Variants in CHRM3 observed in about 807,000 individuals in gnomAD.
CHRM3 encodes cholinergic receptor muscarinic 3, also known as muscarinic acetylcholine receptor M3.
CHRM3 carries 11 observed loss-of-function variants against 41.8 expected under a neutral mutation model. That is an observed-to-expected ratio of 0.26 (90% CI 0.17 to 0.44). The LOEUF is 0.44. CHRM3 is among the 20% of genes least tolerant of loss of function. CHRM3 has a pLI of 1.00. For missense variants in CHRM3, 571 were observed against 745.4 expected (o/e 0.77, Z 2.72); for synonymous variants, 297 against 301.4 (o/e 0.99, Z 0.15).
intron 6 of CHRM3, among the ~76,000 whole-genome samples, chr1:239,867,798 G>A (rs1397353165): frequency 6.6e-6 from 1 of 152,034 alleles, no homozygotes; most frequent in East Asian, 1.9e-4. Flanking sequence ...TTCTGTTGGG[G>A]CCCAGAGACA....
intron 6 of CHRM3, among the ~76,000 whole-genome samples, chr1:239,861,348 A>ATGATGGAGT (rs1675624951): frequency 1.3e-5 from 2 of 152,130 alleles, no homozygotes; most frequent in African/African-American, 4.8e-5. Context: ...CTAAGAAGTG[A>ATGATGGAGT]TGATGGAGTT....
intron 6 of CHRM3, among the ~76,000 whole-genome samples, chr1:239,897,133 T>C (rs757985446): frequency 6.6e-6 from 1 of 152,208 alleles, no homozygotes. Flanking sequence ...CTGCATGCTA[T>C]GGCAGGTTGT....
At chr1:239,738,349 C>T (rs571890048) in intron 5 of CHRM3, among the ~76,000 whole-genome samples, 1 of 152,202 alleles carries the variant, frequency 6.6e-6, no homozygotes, top group African/African-American at 2.4e-5. Context: ...TTGCTCAGCT[C>T]TTCAGCACCA....
At chr1:239,536,853 G>A (rs572347774) in intron 2 of CHRM3, among the ~76,000 whole-genome samples, 167 of 152,242 alleles carry the variant, frequency 1.1e-3, no homozygotes, top group Non-Finnish European at 1.7e-3. Flanking sequence ...GGTTGTAAGG[G>A]AATAATTTTC....
rs191730958 is a variant in CHRM3 at position 239,611,643 on chromosome 1, T to A, written c.-312-20581T>A. ...ACCATGTTGGCCAGGATGGTCTTGATCTCCTGACCTCGTGATCCGCCCGCC... is the reference window on the plus strand; with the variant it reads ...ACCATGTTGGCCAGGATGGTCTTGAACTCCTGACCTCGTGATCCGCCCGCC... On this transcript the variant is annotated intron_variant, in intron 3 of 6. Transcript: ENST00000676153. Among the ~76,000 whole-genome samples the A allele has an allele frequency of 2.8e-3, 431 of 152,086 alleles. 2 individuals carry two copies. Among genetic ancestry groups the A allele is most frequent in the African/African-American group, 9.8e-3 (406 of 41,506 alleles).
intron 2 of CHRM3, among the ~76,000 whole-genome samples, chr1:239,505,259 GGATGATGATGATGATGAT>G (rs3028735): frequency 6.6e-4 from 96 of 144,784 alleles, no homozygotes; most frequent in Non-Finnish European, 1.2e-3. Context: ...CTGTTTCCTG[GGATGATGATGATGATGAT>G]GATGATGATG....
intron 1 of CHRM3, among the ~76,000 whole-genome samples, chr1:239,488,256 G>A (rs766570679): frequency 3.9e-5 from 6 of 151,982 alleles, no homozygotes; most frequent in African/African-American, 7.3e-5. Context: ...GTACATAACC[G>A]TTAACTCCTC....
rs377732277 is a variant in CHRM3 at position 239,662,893 on chromosome 1, C to CTCCTCT, written c.-249-15291_-249-15290insCTCTTC. 4.1e-4 allele frequency among the ~76,000 whole-genome samples: 19 copies of CTCCTCT among 46,388 alleles called. 2 individuals carry two copies. Among genetic ancestry groups the CTCCTCT allele is most frequent in the African/African-American group, 1.3e-3 (16 of 12,718 alleles). The allele number at this position is 46,388 out of a possible 152,430, so 30.4% of individuals were successfully genotyped here. A position where few individuals can be genotyped will look rare whatever the true frequency, so the allele number is the denominator to read the frequency against. Reference sequence around the variant, plus strand: ...TCTCCTCTTTCTCCTCTTCCTCCTCCTCTTCTTCTTCTTCTTCTTCTTCTT... The same window carrying CTCCTCT: ...TCTCCTCTTTCTCCTCTTCCTCCTCCTCCTCTTCTTCTTCTTCTTCTTCTTCTTCTT... On this transcript the variant is annotated intron_variant, in intron 4 of 6. Transcript: ENST00000676153.
Position 239,908,422 on chromosome 1 carries a change from C to T in CHRM3, c.971C>T (p.Ser324Phe). 6.2e-7 allele frequency: 1 copy of T among 1,614,052 alleles called. No individual in the cohort carries two copies. Among genetic ancestry groups the T allele is most frequent in the Non-Finnish European group, 8.5e-7 (1 of 1,180,030 alleles). ...WFTTKSWKPS[S>F]EQMDQDHSSS... is the part of the protein sequence containing the mutation. ...ACAACCAAGAGCTGGAAACCCAGCT[C>T]CGAGCAGATGGACCAAGACCACAGC... The change falls in exon 7 of 7, where the codon TCC becomes TTC. Residue 324 changes from serine (S) to phenylalanine (F), a missense_variant. Transcript: ENST00000676153. This position sits in a 1 kb window ranked among gnomAD's most constrained non-coding sequence, Gnocchi z 7.2.
chr1:239,696,204 A>G (rs779214209), intron 5 of CHRM3, among the ~76,000 whole-genome samples: 2 of 152,188 alleles, frequency 1.3e-5, no homozygotes, highest in Non-Finnish European at 2.9e-5. Context: ...TAGCTGTCCT[A>G]TGGCTTGTCA....
At chr1:239,637,303 A>C (rs1348842837) in intron 4 of CHRM3, among the ~76,000 whole-genome samples, 1 of 152,090 alleles carries the variant, frequency 6.6e-6, no homozygotes, top group East Asian at 1.9e-4. Context: ...AAATGTGCAT[A>C]ATATTCTATA....
At chr1:239,486,725 T>A (rs1667205633) in intron 1 of CHRM3, among the ~76,000 whole-genome samples, 1 of 152,172 alleles carries the variant, frequency 6.6e-6, no homozygotes, top group Non-Finnish European at 1.5e-5. Context: ...ATTTAGAATA[T>A]CTTCCCCTAC....
chr1:239,684,776 G>GAAAGAAAGAAAGAAAGAA (rs1336687441), intron 5 of CHRM3, among the ~76,000 whole-genome samples: 9 of 61,164 alleles, frequency 1.5e-4, no homozygotes, highest in East Asian at 5.1e-4. Flanking sequence ...GAAAGAGAAA[G>GAAAGAAAGAAAGAAAGAA]AGAAAGAAAA....
intron 1 of CHRM3, among the ~76,000 whole-genome samples, chr1:239,458,887 ACC>A (rs3028697): frequency 0.24 from 35,707 of 150,642 alleles, 4,339 homozygotes; most frequent in African/African-American, 0.27. Flanking sequence ...GAAATGGGAG[ACC>A]CCCCCCCATC....
intron 3 of CHRM3, among the ~76,000 whole-genome samples, chr1:239,612,282 T>C (rs1667162836): frequency 6.6e-6 from 1 of 152,228 alleles, no homozygotes; most frequent in South Asian, 2.1e-4. Context: ...AAATATCATA[T>C]ATTTAACCAG....
chr1:239,602,421 G>C (rs1398387682), intron 3 of CHRM3, among the ~76,000 whole-genome samples: 2 of 151,976 alleles, frequency 1.3e-5, no homozygotes, highest in Non-Finnish European at 2.9e-5. Context: ...CATTTTGGTA[G>C]GGGAAAATAA....
intron 3 of CHRM3, among the ~76,000 whole-genome samples, chr1:239,564,761 T>C (rs1450023584): frequency 6.6e-6 from 1 of 152,212 alleles, no homozygotes; most frequent in African/African-American, 2.4e-5. Flanking sequence ...TTTAAGGGTA[T>C]ACACTATTCA....
At chr1:239,739,626 C>T (rs1664671009) in intron 5 of CHRM3, among the ~76,000 whole-genome samples, 1 of 152,036 alleles carries the variant, frequency 6.6e-6, no homozygotes, top group Admixed American at 6.5e-5. Context: ...AAGAGTTCAG[C>T]ATCGTATTAT....
In CHRM3 at chr1:239,403,355, T is replaced by C. The variant is rs192890437; in HGVS notation, c.-521+16128T>C. On this transcript the variant is annotated intron_variant, in intron 1 of 6. Coordinates refer to ENST00000676153, the MANE Select transcript of CHRM3 (RefSeq NM_001375978.1). ...TATTTGTTGTTGACTGAGTTCCTTG[T>C]TACTGTTCCCTTTGGAGGAGAAAAA... Among the ~76,000 whole-genome samples, 24 of 152,312 alleles carry C rather than the reference T, an allele frequency of 1.6e-4. No individual in the cohort carries two copies. The East Asian group carries it at 4.5e-3, about 28-fold the overall frequency.
Sources: allele counts gnomAD v4.1 joint callset (sites outside exome capture counted in the v4.1 genomes callset), GRCh38; gene constraint gnomAD v4.1.1; non-coding constraint Gnocchi (gnomAD v3.1); transcripts MANE v1.5; gene names NCBI Gene and HGNC (gene_info 2026-07-23, HGNC 2026-07-21).